The following DNAJC24 variants were observed in gnomAD, a reference collection of about 807,000 sequenced individuals.
DNAJC24 encodes the protein DnaJ heat shock protein family (Hsp40) member C24, also known as dnaJ homolog subfamily C member 24.
In DNAJC24, 17 loss-of-function variants were observed where a neutral mutation model predicts 18.0. The ratio of observed to expected loss-of-function variants is 0.94; its 90% CI spans 0.65 to 1.42. The LOEUF is 1.42. DNAJC24 is among the 40% of genes most tolerant of loss of function. DNAJC24 has a pLI of 0.00. For missense variants in DNAJC24, 158 were observed against 175.6 expected (o/e 0.90, Z 0.57); for synonymous variants, 55 against 57.7 (o/e 0.95, Z 0.21).
At chr11:31,414,767 A>G in intron 2 of DNAJC24, 44 bp from the exon 3 acceptor site, 1 of 1,563,418 alleles carries the variant, frequency 6.4e-7, no homozygotes. Flanking sequence ...AACCCCACTC[A>G]GCTCTCTCTA....
chr11:31,370,896 A>T (rs754203838), intron 2 of DNAJC24, 37 bp downstream of exon 2: 12 of 1,366,236 alleles, frequency 8.8e-6, no homozygotes, highest in Non-Finnish European at 1.2e-5. Context: ...TCATGAGGGG[A>T]AAAAAATCAA....
intron 2 of DNAJC24, among the ~76,000 whole-genome samples, chr11:31,392,224 G>A (rs1564950140): frequency 6.6e-6 from 1 of 152,108 alleles, no homozygotes; most frequent in African/African-American, 2.4e-5. Context: ...ATAATTTATT[G>A]TGCATTTAAA....
chr11:31,405,097 A>T (rs1272692852), intron 2 of DNAJC24, among the ~76,000 whole-genome samples: 4 of 142,020 alleles, frequency 2.8e-5, no homozygotes, highest in African/African-American at 1.0e-4. Context: ...TTTGAGACAG[A>T]GTCTCCACTC....
In DNAJC24 at chr11:31,393,633, G is replaced by T. The variant is rs114326873; in HGVS notation, c.112-21178G>T. On this transcript the variant is annotated intron_variant, in intron 2 of 4. Coordinates refer to ENST00000465995, the MANE Select transcript of DNAJC24 (RefSeq NM_181706.5). ...CTTCAGAGGATGCAGCGTGCATGGT[G>T]TCATCTCGGAAGCAGAGATACTGGG... Among the ~76,000 whole-genome samples, 852 of 152,196 alleles carry T rather than the reference G, an allele frequency of 5.6e-3. 11 individuals carry two copies. Among genetic ancestry groups the T allele is most frequent in the African/African-American group, 0.02 (820 of 41,524 alleles).
At position 31,414,836 on chromosome 11, in the gene DNAJC24, A is replaced by G; in HGVS notation, c.137A>G (p.Asp46Gly). The G allele has an allele frequency of 6.2e-7, 1 of 1,613,902 alleles. No homozygotes were observed. The highest frequency in any genetic ancestry group is 1.3e-5 in the African/African-American group (1 of 75,038). Residue 46 changes from aspartate to glycine, a missense_variant, in exon 3 of 5, where the codon GAT (aspartate) becomes GGT (glycine). Transcript: ENST00000465995. ...TATCATCCAGATAAACAAAGTACAG[A>G]TGTACCAGCAGGAACAGTGGAGGAA... The part of the protein sequence containing the change: ...LMYHPDKQST[D>G]VPAGTVEECV...
intron 2 of DNAJC24, among the ~76,000 whole-genome samples, chr11:31,399,399 C>T (rs1444831030): frequency 6.6e-6 from 1 of 150,574 alleles, no homozygotes; most frequent in African/African-American, 2.4e-5. Context: ...TTCTGCAGAT[C>T]TATCTCTTAA....
intron 2 of DNAJC24, among the ~76,000 whole-genome samples, chr11:31,404,543 A>G (rs1952635866): frequency 6.6e-6 from 1 of 152,142 alleles, no homozygotes; most frequent in Non-Finnish European, 1.5e-5. Flanking sequence ...GTTGTCAGAT[A>G]TTGTGGTCAG....
At chr11:31,389,173 T>A (rs1336853754) in intron 2 of DNAJC24, among the ~76,000 whole-genome samples, 2 of 151,952 alleles carry the variant, frequency 1.3e-5, no homozygotes. Flanking sequence ...ATAATAACAT[T>A]GAATGTAAAT....
At chr11:31,429,491 C>G in intron 4 of DNAJC24, 3 of 398,524 alleles carry the variant, frequency 7.5e-6, no homozygotes, top group South Asian at 5.3e-5. Context: ...AGTTACTTCT[C>G]AGAGACAGTA....
At chr11:31,415,205 T>TTTAA (rs1952742268) in intron 3 of DNAJC24, 1 of 355,730 alleles carries the variant, frequency 2.8e-6, no homozygotes, top group East Asian at 5.1e-5. Context: ...TTGAAAAATG[T>TTTAA]TTAATTACAC....
chr11:31,424,728 T>C (rs545339410), intron 3 of DNAJC24, among the ~76,000 whole-genome samples: 10 of 152,316 alleles, frequency 6.6e-5, no homozygotes, highest in African/African-American at 2.4e-4. Context: ...TGGTATAATA[T>C]CTGACATACT....
Position 31,388,316 on chromosome 11 carries a change from A to G in DNAJC24, c.111+17457A>G, listed in dbSNP as rs1407896399. ...GAAATAAGACTACCTCAAGATATTT[A>G]ATAATCAGATTCCCAAAGGTCAAGG... is the stretch of plus-strand genomic sequence containing the variant. On this transcript the variant is annotated intron_variant, in intron 2 of 4. Coordinates refer to ENST00000465995, the MANE Select transcript of DNAJC24 (RefSeq NM_181706.5). Among the ~76,000 whole-genome samples, 6 of 152,188 alleles carry G rather than the reference A, an allele frequency of 3.9e-5. No homozygotes were observed. The East Asian group carries it at 1.2e-3, about 29-fold the overall frequency.
intron 3 of DNAJC24, among the ~76,000 whole-genome samples, chr11:31,419,510 T>C (rs1205936302): frequency 2.6e-5 from 4 of 151,998 alleles, no homozygotes; most frequent in African/African-American, 9.7e-5. Flanking sequence ...CATTTCTCAT[T>C]GGTTTTGAGT....
intron 2 of DNAJC24, among the ~76,000 whole-genome samples, chr11:31,404,260 T>A (rs1952632443): frequency 6.6e-6 from 1 of 152,208 alleles, no homozygotes; most frequent in Admixed American, 6.5e-5. Flanking sequence ...TGCAGCCCAG[T>A]AGGTCTTAGT....
chr11:31,382,760 G>T (rs1952388945), intron 2 of DNAJC24, among the ~76,000 whole-genome samples: 1 of 152,088 alleles, frequency 6.6e-6, no homozygotes, highest in Non-Finnish European at 1.5e-5. Context: ...CACCAATTGG[G>T]TGTCCTGTAA....
At chr11:31,376,375 AT>A (rs2133467056) in intron 2 of DNAJC24, among the ~76,000 whole-genome samples, 1 of 152,290 alleles carries the variant, frequency 6.6e-6, no homozygotes, top group South Asian at 2.1e-4. Flanking sequence ...AGTGGTCCTT[AT>A]ATTACAGTTC....
At chr11:31,405,425 A>C (rs567073754) in intron 2 of DNAJC24, among the ~76,000 whole-genome samples, 5 of 148,362 alleles carry the variant, frequency 3.4e-5, no homozygotes, top group Admixed American at 2.7e-4. Flanking sequence ...TTTAAGTCTC[A>C]TAGCTACTGT....
intron 3 of DNAJC24, chr11:31,417,336 GTTAT>G: frequency 6.6e-6 from 1 of 152,002 alleles, no homozygotes; most frequent in Middle Eastern, 3.4e-3. Context: ...CTTTCATATT[GTTAT>G]TTCTTTTGAA....
At chr11:31,384,701 T>C (rs897696911) in intron 2 of DNAJC24, 2 of 152,204 alleles carry the variant, frequency 1.3e-5, no homozygotes, top group African/African-American at 4.8e-5. Flanking sequence ...AACCAGTGTT[T>C]TGTCTACACC....
Sources: gnomAD v4.1 joint callset for allele counts (sites outside exome capture counted in the v4.1 genomes callset) on GRCh38, gnomAD v4.1.1 for gene constraint, MANE v1.5 for transcripts, NCBI Gene and HGNC (gene_info 2026-07-23, HGNC 2026-07-21) for gene names.